The following BLTP2 variants were observed in gnomAD, a reference collection of about 807,000 sequenced individuals.
BLTP2 encodes the protein bridge-like lipid transfer protein family member 2.
chr17:28,628,295 T>C, the BLTP2 span: 1 of 1,614,178 alleles, frequency 6.2e-7, no homozygotes, highest in South Asian at 1.1e-5. Context: ...GGTTGTCCAC[T>C]GAAGCTGGGA....
chr17:28,623,612 G>A, the BLTP2 span: 4 of 651,800 alleles, frequency 6.1e-6, no homozygotes, highest in Middle Eastern at 3.6e-4. Context: ...CATGCTTCCA[G>A]ACCAGAGATT....
At chr17:28,614,531 T>G in the BLTP2 span, 1 of 186,818 alleles carries the variant, frequency 5.4e-6, no homozygotes. Flanking sequence ...AGGGGACCCA[T>G]GGCCAGCCCT....
the BLTP2 span, chr17:28,633,007 T>A: frequency 6.3e-7 from 1 of 1,581,844 alleles, no homozygotes; most frequent in Non-Finnish European, 8.6e-7. Context: ...AAAGGCCCGG[T>A]AGGAGTCATG....
At chr17:28,618,774 C>T in the BLTP2 span, 1 of 1,602,128 alleles carries the variant, frequency 6.2e-7, no homozygotes, top group Non-Finnish European at 8.5e-7. Flanking sequence ...CTTTGTGTGA[C>T]CATATACCCC....
chr17:28,621,379 AGAG>A, the BLTP2 span: 1 of 1,592,396 alleles, frequency 6.3e-7, no homozygotes, highest in African/African-American at 1.3e-5. Flanking sequence ...CATTTGATGC[AGAG>A]GAGGGGGAGG....
the BLTP2 span, chr17:28,628,428 A>G: frequency 6.2e-7 from 1 of 1,614,244 alleles, no homozygotes; most frequent in Non-Finnish European, 8.5e-7. Context: ...GTTTGAGTAC[A>G]GCTGCCTTTT....
chr17:28,623,841 A>G, the BLTP2 span: 29 of 1,614,090 alleles, frequency 1.8e-5, no homozygotes, highest in Non-Finnish European at 2.2e-5. Flanking sequence ...CCAAGAGGCA[A>G]GTCCAGGATG....
At chr17:28,637,380 G>A in the BLTP2 span, among the ~76,000 whole-genome samples, 30 of 152,194 alleles carry the variant, frequency 2.0e-4, no homozygotes, top group Non-Finnish European at 4.1e-4. Context: ...CCTACAAATT[G>A]CACAGAGACA....
chr17:28,636,899 A>T, the BLTP2 span: 15 of 1,253,946 alleles, frequency 1.2e-5, no homozygotes, highest in Non-Finnish European at 1.7e-5. Flanking sequence ...AAAAAAAAAA[A>T]GACAGAGAAA....
chr17:28,639,896 T>G, the BLTP2 span: 2 of 1,614,136 alleles, frequency 1.2e-6, no homozygotes, highest in Non-Finnish European at 1.7e-6. Flanking sequence ...CCCCGACCCA[T>G]GAACCTTCCA....
the BLTP2 span, chr17:28,637,288 T>A: frequency 9.8e-5 from 78 of 796,488 alleles, no homozygotes; most frequent in Admixed American, 1.8e-4. Context: ...CTCCCTAAGT[T>A]CATTTCTTAG....
chr17:28,645,103 G>A, the BLTP2 span: 2 of 1,537,938 alleles, frequency 1.3e-6, no homozygotes, highest in Non-Finnish European at 1.8e-6. Flanking sequence ...CGCCATGCCG[G>A]GCCCCGACGC....
chr17:28,616,323 C>T, the BLTP2 span: 10 of 1,612,904 alleles, frequency 6.2e-6, no homozygotes, highest in African/African-American at 1.3e-5. The surrounding 1 kb of genome is among the most constrained non-coding windows in gnomAD (Gnocchi z 4.8). Flanking sequence ...CCAAGCCACA[C>T]CAAACAGGAC....
chr17:28,625,152 A>C, the BLTP2 span, among the ~76,000 whole-genome samples: 2 of 152,098 alleles, frequency 1.3e-5, no homozygotes, highest in South Asian at 4.1e-4. Flanking sequence ...CCTGGCCAAC[A>C]TGGTGATACT....
At chr17:28,638,894 T>C in the BLTP2 span, among the ~76,000 whole-genome samples, 43 of 152,308 alleles carry the variant, frequency 2.8e-4, no homozygotes, top group African/African-American at 1.0e-3. Context: ...CCAAATACAA[T>C]GAACACCAGC....
At chr17:28,619,689 C>T in the BLTP2 span, 9 of 1,613,928 alleles carry the variant, frequency 5.6e-6, no homozygotes, top group Non-Finnish European at 3.4e-6. Context: ...TTTCCAGCTG[C>T]AGGTTGGCCT....
chr17:28,640,138 T>C, the BLTP2 span: 5 of 1,202,366 alleles, frequency 4.2e-6, no homozygotes, highest in East Asian at 1.1e-4. Context: ...CTCACTCTTG[T>C]AATCCCAGCC....
chr17:28,615,527 G>T, the BLTP2 span: 1 of 1,027,022 alleles, frequency 9.7e-7, no homozygotes, highest in Non-Finnish European at 1.4e-6. Flanking sequence ...GAGAGGGTAG[G>T]CATAGAAGCC....
chr17:28,637,866 T>A, the BLTP2 span: 1 of 1,614,174 alleles, frequency 6.2e-7, no homozygotes, highest in Non-Finnish European at 8.5e-7. Flanking sequence ...AACAAGTTCA[T>A]GTCTTCGACC....
Sources: gnomAD v4.1 joint callset for allele counts (sites outside exome capture counted in the v4.1 genomes callset) on GRCh38, gnomAD v4.1.1 for gene constraint, Gnocchi (gnomAD v3.1) non-coding constraint, MANE v1.5 for transcripts, NCBI Gene and HGNC (gene_info 2026-07-23, HGNC 2026-07-21) for gene names.